SIPA1L3: variants seen among roughly 807,000 people sequenced by gnomAD.
The protein encoded by SIPA1L3 is signal induced proliferation associated 1 like 3, also known as signal-induced proliferation-associated 1-like protein 3.
A neutral mutation model predicts 150.1 loss-of-function variants in SIPA1L3; 59 were observed. The ratio of observed to expected loss-of-function variants is 0.39; its 90% confidence interval spans 0.32 to 0.49. The LOEUF (loss-of-function observed/expected upper bound fraction) is 0.49, where lower values mean the gene tolerates loss of function less well. Among genes scored for constraint, SIPA1L3 ranks in the 20% least tolerant of loss-of-function variants. The pLI, the probability that SIPA1L3 is intolerant of heterozygous loss-of-function variation, is 0.86. For missense variants in SIPA1L3, 2,211 were observed against 2,489.5 expected, an observed-to-expected ratio of 0.89 and a Z score of 2.38; for synonymous variants, 1,070 against 1,077.6, an observed-to-expected ratio of 0.99 and a Z score of 0.14.
chr19:37,994,977 C>T (rs532507566), intron 1 of SIPA1L3, among the ~76,000 whole-genome samples: 1 of 152,154 alleles, frequency 6.6e-6, no homozygotes, highest in Non-Finnish European at 1.5e-5. Flanking sequence ...TTCGTTCGTG[C>T]TGGTGGGGTT....
intron 1 of SIPA1L3, among the ~76,000 whole-genome samples, chr19:37,965,530 G>A (rs2046896522): frequency 6.6e-6 from 1 of 151,880 alleles, no homozygotes; most frequent in Non-Finnish European, 1.5e-5. Flanking sequence ...TGGCCAGGAT[G>A]GTCTCAATCT....
At chr19:38,083,396 G>C (rs62121431) in intron 3 of SIPA1L3, among the ~76,000 whole-genome samples, 46 of 152,324 alleles carry the variant, frequency 3.0e-4, no homozygotes, top group South Asian at 1.0e-3. Flanking sequence ...TAGAGCCTGG[G>C]GATGTAGTAT....
intron 15 of SIPA1L3, among the ~76,000 whole-genome samples, chr19:38,176,805 C>G (rs71354974): frequency 6.6e-6 from 1 of 152,024 alleles, no homozygotes; most frequent in African/African-American, 2.4e-5. Context: ...AACCCCATCT[C>G]TACTAAAAAT....
chr19:38,044,221 G>A (rs886913496), intron 2 of SIPA1L3, among the ~76,000 whole-genome samples: 2 of 152,214 alleles, frequency 1.3e-5, no homozygotes, highest in African/African-American at 2.4e-5. Context: ...AATCAGAGAC[G>A]TGGCTGAGTC....
chr19:38,027,229 A>G (rs1968535138), intron 1 of SIPA1L3, among the ~76,000 whole-genome samples: 1 of 152,176 alleles, frequency 6.6e-6, no homozygotes, highest in Non-Finnish European at 1.5e-5. Flanking sequence ...CAGAGGTTGC[A>G]GTGAGCCAAG....
At chr19:38,068,020 A>AT (rs35795522) in intron 2 of SIPA1L3, among the ~76,000 whole-genome samples, 2,548 of 135,952 alleles carry the variant, frequency 0.019, 60 homozygotes, top group African/African-American at 0.058. Flanking sequence ...GAAAAATCAG[A>AT]TTTTTTTTTT....
At chr19:38,195,189 T>A (rs1410309325) in intron 18 of SIPA1L3, among the ~76,000 whole-genome samples, 1 of 152,140 alleles carries the variant, frequency 6.6e-6, no homozygotes, top group East Asian at 1.9e-4. Flanking sequence ...CACCAGACCC[T>A]CCCTGCTCAG....
At chr19:38,110,466 CCCCCA>C in intron 8 of SIPA1L3, 82 bp downstream of exon 8, 1 of 1,150,384 alleles carries the variant, frequency 8.7e-7, no homozygotes, top group Non-Finnish European at 1.3e-6. Context: ...GTACAGGGCC[CCCCCA>C]CACCTCACGT....
chr19:38,116,525 C>CAAAAAAA (rs1197701775), intron 8 of SIPA1L3, among the ~76,000 whole-genome samples: 86 of 83,434 alleles, frequency 1.0e-3, no homozygotes, highest in African/African-American at 3.9e-3. Flanking sequence ...GACTCTGTCT[C>CAAAAAAA]AAAAAAAAAA....
chr19:38,038,331 TC>T (rs1399367672), intron 2 of SIPA1L3, among the ~76,000 whole-genome samples: 1 of 152,086 alleles, frequency 6.6e-6, no homozygotes, highest in Non-Finnish European at 1.5e-5. Flanking sequence ...GGTGGCTCAT[TC>T]CTGTAATCCC....
chr19:38,166,871 C>G (rs1352957138), intron 15 of SIPA1L3, among the ~76,000 whole-genome samples: 1 of 151,962 alleles, frequency 6.6e-6, no homozygotes, highest in Non-Finnish European at 1.5e-5. Flanking sequence ...ACTCAGGCAG[C>G]CAACTCAGAC....
chr19:38,177,941 G>A (rs920493678), intron 15 of SIPA1L3, among the ~76,000 whole-genome samples: 2 of 152,002 alleles, frequency 1.3e-5, no homozygotes, highest in Admixed American at 6.6e-5. Context: ...CACAAGAATC[G>A]CTTGAACCCC....
chr19:38,161,720 C>T (rs931611369), intron 13 of SIPA1L3, among the ~76,000 whole-genome samples: 1 of 151,800 alleles, frequency 6.6e-6, no homozygotes, highest in Non-Finnish European at 1.5e-5. Flanking sequence ...GAGCGAGACC[C>T]CATCTCAAAA....
intron 15 of SIPA1L3, among the ~76,000 whole-genome samples, chr19:38,180,680 A>G (rs1185746942): frequency 6.6e-6 from 1 of 151,374 alleles, no homozygotes; most frequent in Non-Finnish European, 1.5e-5. Flanking sequence ...AGTAACTGGG[A>G]TTATATGGAT....
chr19:37,942,999 A>G (rs944734548), intron 1 of SIPA1L3, among the ~76,000 whole-genome samples: 2 of 146,322 alleles, frequency 1.4e-5, no homozygotes, highest in African/African-American at 5.1e-5. Flanking sequence ...TGCGTGAGCC[A>G]CACCCAGCCT....
chr19:38,083,933 C>T (rs537983834), intron 3 of SIPA1L3, among the ~76,000 whole-genome samples: 3 of 144,022 alleles, frequency 2.1e-5, no homozygotes, highest in East Asian at 4.2e-4. Context: ...GCAGATGTTG[C>T]GGTGGGCTGA....
chr19:38,152,760 C>A lies in SIPA1L3; in HGVS notation c.3534-80C>A, dbSNP rs987217024. On this transcript the variant is annotated intron_variant, in intron 12 of 21. Transcript: ENST00000222345. ...CGTGTGTCTAAAACCCACTGGCGAG[C>A]AAGGCTCAGGCTCAGGCTCAGGTGG... The A allele has an allele frequency of 1.5e-5, 22 of 1,484,944 alleles. No homozygotes were observed. In the African/African-American group the frequency reaches 2.5e-4, roughly 17 times the overall value. The allele number at this position is 1,484,944 out of a possible 1,614,324, so 92.0% of individuals were successfully genotyped here. A position where few individuals can be genotyped will look rare whatever the true frequency, so the allele number is the denominator to read the frequency against.
intron 18 of SIPA1L3, among the ~76,000 whole-genome samples, chr19:38,196,750 G>A (rs1568606177): frequency 6.6e-6 from 1 of 150,460 alleles, no homozygotes; most frequent in Non-Finnish European, 1.5e-5. Context: ...TGGAGGCCGA[G>A]GGGGGAGCCA....
At chr19:37,911,174 C>G (rs568017072) in intron 1 of SIPA1L3, among the ~76,000 whole-genome samples, 62 of 152,224 alleles carry the variant, frequency 4.1e-4, no homozygotes, top group East Asian at 2.1e-3. Flanking sequence ...TGGATGTGCT[C>G]TCTGCCCTTG....
Sources: allele counts gnomAD v4.1 joint callset (sites outside exome capture counted in the v4.1 genomes callset), GRCh38; gene constraint gnomAD v4.1.1; transcripts MANE v1.5; gene names NCBI Gene and HGNC (gene_info 2026-07-23, HGNC 2026-07-21).